NBPF12: variants seen among roughly 807,000 people sequenced by gnomAD.
NBPF12 encodes NBPF member 12.
In NBPF12, 115 loss-of-function variants were observed where a neutral mutation model predicts 146.4. The observed-to-expected ratio is 0.79, with a 90% CI of 0.68 to 0.92. The LOEUF (loss-of-function observed/expected upper bound fraction) is 0.92, where lower values mean the gene tolerates loss of function less well. NBPF12 is among the 40% of genes least tolerant of loss of function. The pLI, the probability that NBPF12 is intolerant of heterozygous loss-of-function variation, is 0.00. For synonymous variants in NBPF12, 385 were observed against 508.9 expected (o/e 0.76, Z 3.28); for missense variants, 1,205 against 1,326.8 (o/e 0.91, Z 1.43).
chr1:146,958,034 GTATA>G (rs1409766500), intron 2 of NBPF12, among the ~76,000 whole-genome samples: 1 of 111,052 alleles, frequency 9.0e-6, no homozygotes, highest in Non-Finnish European at 1.9e-5. Flanking sequence ...ATATACACGT[GTATA>G]TATATTATAT....
chr1:146,977,141 A>T lies in NBPF12; in HGVS notation c.2192+140A>T. 5 of 900,970 alleles carry T rather than the reference A, an allele frequency of 5.5e-6. 1 individual carries two copies. The highest frequency in any genetic ancestry group is 5.3e-5 in the South Asian group (4 of 75,496). 55.8% of individuals were successfully genotyped at this position (900,970 alleles called of 1,614,324 possible). A position where few individuals can be genotyped will look rare whatever the true frequency, so the allele number is the denominator to read the frequency against. ...GTATGTGAAATATAACCCAGCTTAG[A>T]CACAGGGTGCGGCAGGTGTCATGTT... On this transcript the variant is annotated intron_variant, in intron 17 of 33. Coordinates refer to ENST00000617844, the Ensembl canonical transcript of NBPF12.
chr1:146,966,538 G>A (rs1298886602), exon 9 of NBPF12: 20 of 1,466,738 alleles, frequency 1.4e-5, no homozygotes, highest in Non-Finnish European at 1.7e-5. Context: ...CGAGAAGGCA[G>A]AGATGAACAT....
exon 4 of NBPF12, chr1:146,960,219 C>A (rs2101841929): frequency 9.1e-7 from 1 of 1,094,260 alleles, no homozygotes; most frequent in South Asian, 1.3e-5. Context: ...GAAATTGCGC[C>A]CCCAGTTGGC....
chr1:146,949,050 A>G (rs1246293097), upstream of NBPF12, among the ~76,000 whole-genome samples: 2 of 151,854 alleles, frequency 1.3e-5, no homozygotes, highest in Admixed American at 6.6e-5. Context: ...TCTCTCCACT[A>G]TTATCCTATT....
intron 8 of NBPF12, 115 bp downstream of exon 11, chr1:146,965,219 G>A (rs1248652354): frequency 3.3e-5 from 25 of 756,996 alleles, no homozygotes; most frequent in Non-Finnish European, 5.0e-5. Flanking sequence ...CTAGGATGGA[G>A]CTAGGTGCTG....
chr1:146,951,262 G>A (rs1655313953), intron 1 of NBPF12, 86 bp from the exon 5 acceptor site: 5 of 718,158 alleles, frequency 7.0e-6, no homozygotes, highest in Admixed American at 6.1e-5. Flanking sequence ...GGGCATGGGG[G>A]CCCTGGGGTC....
intron 14 of NBPF12, among the ~76,000 whole-genome samples, chr1:146,973,613 C>G (rs1161018061): frequency 6.7e-6 from 1 of 149,128 alleles, no homozygotes; most frequent in Non-Finnish European, 1.5e-5. Context: ...CATGGAGAAA[C>G]CCCATCTCCA....
Position 146,962,270 on chromosome 1 carries a change from G to A in NBPF12, c.278+7G>A. The A allele has an allele frequency of 6.2e-7, 1 of 1,601,942 alleles. No individual in the cohort carries two copies. ...AACAAGCTGAGGAGCTCAGGTGAGG[G>A]GACCCCATGGGGGGAGGCAGGCGGG... is the stretch of plus-strand genomic sequence containing the variant. On this transcript the variant is annotated splice_region_variant and intron_variant, in intron 5 of 33. Coordinates refer to ENST00000617844, the Ensembl canonical transcript of NBPF12.
At chr1:146,971,050 C>G in intron 12 of NBPF12, 133 bp from the exon 16 acceptor site, 1 of 1,418,452 alleles carries the variant, frequency 7.0e-7, no homozygotes, top group East Asian at 2.3e-5. Flanking sequence ...CCTGTTCCCT[C>G]TTAAAGGGAA....
intron 11 of NBPF12, among the ~76,000 whole-genome samples, chr1:146,970,052 A>G (rs1656487814): frequency 6.7e-6 from 1 of 149,432 alleles, no homozygotes; most frequent in Non-Finnish European, 1.5e-5. Context: ...GAAGCATCCA[A>G]ATATGGGAAC....
At chr1:146,973,793 T>A (rs1483146244) in intron 14 of NBPF12, among the ~76,000 whole-genome samples, 6 of 142,580 alleles carry the variant, frequency 4.2e-5, no homozygotes, top group East Asian at 2.1e-4. Context: ...TAAAAAAAAA[T>A]AATAATGAGA....
Position 146,959,877 on chromosome 1 carries a change from G to A in NBPF12, c.-165G>A. The A allele has an allele frequency of 6.1e-6, 1 of 165,070 alleles. No homozygotes were observed. Among genetic ancestry groups the A allele is most frequent in the Non-Finnish European group, 1.0e-5 (1 of 99,750 alleles). The allele number at this position is 165,070 out of a possible 1,614,324, so 10.2% of individuals were successfully genotyped here. On this transcript the variant is annotated 5_prime_UTR_variant, in exon 3 of 34. It introduces an in-frame stop codon into an upstream open reading frame of the 5' UTR. Transcript: ENST00000617844. ...ACTGCAGACGGTTACCTGGCACGCT[G>A]GCCACAATCTACCTCACTCTTATCA...
chr1:146,949,496 G>A (rs1655229496), intron 1 of NBPF12, 74 bp downstream of exon 4: 1 of 126,310 alleles, frequency 7.9e-6, no homozygotes, highest in African/African-American at 3.2e-5. Context: ...TAGAGGGTTA[G>A]CATACATTTA....
intron 1 of NBPF12, among the ~76,000 whole-genome samples, chr1:146,942,996 C>G (rs1357888076): frequency 1.4e-5 from 2 of 139,942 alleles, no homozygotes; most frequent in East Asian, 4.5e-4. Flanking sequence ...TAACTCAAGG[C>G]TCAAGGAATC....
chr1:146,984,531 T>A (rs1657605699), intron 21 of NBPF12, among the ~76,000 whole-genome samples: 1 of 150,500 alleles, frequency 6.6e-6, no homozygotes, highest in African/African-American at 2.5e-5. Flanking sequence ...GAGTGTCCTT[T>A]GACTCCCTCA....
Position 146,971,298 on chromosome 1 carries a change from A to T in NBPF12, c.1495A>T (p.Lys499Ter). ...CTCCAACCAGCCTCACAAGAACATC[A>T]AAATCACATTTGAGGAAGACAAAGT... is the stretch of plus-strand genomic sequence containing the variant. The change falls in exon 13 of 34, where the codon AAA (lysine) becomes TAA (stop). Residue 499 changes from lysine (K) to a stop codon, truncating the protein, a stop_gained. Transcript: ENST00000617844. LOFTEE classifies it high-confidence loss of function. 1 of 1,612,328 alleles carries T rather than the reference A, an allele frequency of 6.2e-7. No homozygotes were observed. The highest frequency in any genetic ancestry group is 8.5e-7 in the Non-Finnish European group (1 of 1,179,764).
intron 2 of NBPF12, among the ~76,000 whole-genome samples, chr1:146,956,070 G>T (rs1655573470): frequency 1.3e-5 from 2 of 151,586 alleles, no homozygotes; most frequent in Non-Finnish European, 2.9e-5. Context: ...GTGAGACCTG[G>T]CCTGCTACGT....
In NBPF12 at chr1:146,962,860, A is replaced by G. The variant is rs1482810743; in HGVS notation, c.279-235A>G. On this transcript the variant is annotated intron_variant, in intron 5 of 33. Coordinates refer to ENST00000617844, the Ensembl canonical transcript of NBPF12. ...GAAGACACCTACCTTTGTTTACAGA[A>G]GAGAAAGATGAATGGAACATCATCG... Among the ~76,000 whole-genome samples the G allele has an allele frequency of 2.4e-3, 362 of 151,418 alleles. 2 individuals are homozygous for G. Among genetic ancestry groups the G allele is most frequent in the African/African-American group, 8.5e-3 (350 of 41,088 alleles).
At chr1:146,954,389 CAAAAAAAAA>C (rs1170420550) in intron 2 of NBPF12, among the ~76,000 whole-genome samples, 4 of 24,028 alleles carry the variant, frequency 1.7e-4, no homozygotes, top group Non-Finnish European at 3.3e-4. Context: ...GACTCTGTCT[CAAAAAAAAA>C]AAAAAAAAAA....
Sources: gnomAD v4.1 joint callset for allele counts (sites outside exome capture counted in the v4.1 genomes callset) on GRCh38, gnomAD v4.1.1 for gene constraint, MANE v1.5 for transcripts, NCBI Gene and HGNC (gene_info 2026-07-23, HGNC 2026-07-21) for gene names.